PTPRT: variants seen among roughly 807,000 people sequenced by gnomAD.
PTPRT encodes the protein receptor-type tyrosine-protein phosphatase T.
A neutral mutation model predicts 176.8 loss-of-function variants in PTPRT; 56 were observed. The observed-to-expected ratio is 0.32, with a 90% CI of 0.26 to 0.40. The LOEUF is 0.40. Among genes scored for constraint, PTPRT ranks in the 10% least tolerant of loss-of-function variants. The pLI is 1.00. For missense variants in PTPRT, 1,540 were observed against 1,908.2 expected (o/e 0.81, Z 3.60); for synonymous variants, 783 against 739.0 (o/e 1.06, Z -0.96).
intron 7 of PTPRT, among the ~76,000 whole-genome samples, chr20:42,548,180 G>A (rs1056435388): frequency 2.6e-5 from 4 of 151,950 alleles, no homozygotes; most frequent in Admixed American, 2.6e-4. Context: ...ATGCAATCTT[G>A]TAAAAATTCT....
intron 7 of PTPRT, among the ~76,000 whole-genome samples, chr20:42,676,952 C>T (rs1237850290): frequency 6.6e-6 from 1 of 152,020 alleles, no homozygotes; most frequent in Non-Finnish European, 1.5e-5. Context: ...TAGACACAAT[C>T]TCAGCCAGCA....
the PTPRT span, among the ~76,000 whole-genome samples, chr20:42,060,169 G>C: frequency 2.0e-5 from 3 of 152,140 alleles, no homozygotes; most frequent in Admixed American, 6.5e-5. Flanking sequence ...AATTGTCCAA[G>C]TCATACAACT....
At chr20:42,698,820 A>C (rs978766548) in intron 6 of PTPRT, among the ~76,000 whole-genome samples, 1 of 152,024 alleles carries the variant, frequency 6.6e-6, no homozygotes, top group African/African-American at 2.4e-5. Context: ...TGTGTGTCTA[A>C]CTCTAGCATC....
chr20:43,150,347 C>T (rs2014310428), intron 1 of PTPRT, among the ~76,000 whole-genome samples: 1 of 152,240 alleles, frequency 6.6e-6, no homozygotes, highest in African/African-American at 2.4e-5. Context: ...ATAACGGTCT[C>T]CATCCCCACC....
chr20:42,330,669 C>T (rs559471778), intron 11 of PTPRT, among the ~76,000 whole-genome samples: 46 of 152,056 alleles, frequency 3.0e-4, no homozygotes, highest in African/African-American at 9.4e-4. Context: ...GCTATGATCA[C>T]GCCACTGCTC....
chr20:42,076,630 G>A lies in PTPRT; in HGVS notation c.*4249C>T, dbSNP rs1016770725. 4 of 195,156 alleles carry A rather than the reference G, an allele frequency of 2.0e-5. No homozygotes were observed. In the South Asian group the frequency reaches 7.7e-4, roughly 38 times the overall value. The allele number at this position is 195,156 out of a possible 1,614,324, so 12.1% of individuals were successfully genotyped here. ...ATAACTGGCTCTGGGAGGCAGCAGG[G>A]TCACTGCTCCTAGAGTCAATTCTAG... On this transcript the variant is annotated 3_prime_UTR_variant, in exon 31 of 31. Transcript: ENST00000373187.
intron 1 of PTPRT, among the ~76,000 whole-genome samples, chr20:42,890,038 A>G (rs1401203266): frequency 6.6e-6 from 1 of 152,202 alleles, no homozygotes; most frequent in East Asian, 1.9e-4. Flanking sequence ...ATTTCTCTGC[A>G]GGAATACTCA....
rs2072661043 is a variant in PTPRT at position 42,545,642 on chromosome 20, C to A, written c.1154-73080G>T. Among the ~76,000 whole-genome samples, 7 of 152,176 alleles carry A rather than the reference C, an allele frequency of 4.6e-5. No individual in the cohort carries two copies. The South Asian group carries it at 1.4e-3, about 32-fold the overall frequency. On this transcript the variant is annotated intron_variant, in intron 7 of 30. Transcript: ENST00000373187. ...ACATCACATGTTTAATAAAAGAGAA[C>A]CAATCTTGATTGAAAATCTTTTGAG... is the stretch of plus-strand genomic sequence containing the variant.
intron 11 of PTPRT, among the ~76,000 whole-genome samples, chr20:42,343,272 T>C (rs1001143863): frequency 6.6e-6 from 1 of 152,202 alleles, no homozygotes; most frequent in African/African-American, 2.4e-5. Context: ...TGAAATGTCC[T>C]CATAGACTCT....
chr20:42,270,264 G>A (rs1201892288), intron 13 of PTPRT: 2 of 757,930 alleles, frequency 2.6e-6, no homozygotes, highest in Non-Finnish European at 2.2e-6. Flanking sequence ...GGGTTGATGG[G>A]TGAATGGGTG....
At chr20:42,258,073 G>T (rs1483378492) in intron 13 of PTPRT, among the ~76,000 whole-genome samples, 2 of 152,126 alleles carry the variant, frequency 1.3e-5, no homozygotes, top group African/African-American at 4.8e-5. Flanking sequence ...AAATGTGTTT[G>T]TCTTTTCTCA....
intron 2 of PTPRT, among the ~76,000 whole-genome samples, chr20:42,871,471 G>A (rs1183131880): frequency 6.6e-6 from 1 of 152,078 alleles, no homozygotes; most frequent in Non-Finnish European, 1.5e-5. Context: ...AAACACATTA[G>A]TTTTAAGTTA....
At chr20:43,036,434 G>A (rs1986382357) in intron 1 of PTPRT, among the ~76,000 whole-genome samples, 2 of 152,122 alleles carry the variant, frequency 1.3e-5, no homozygotes, top group South Asian at 2.1e-4. Context: ...GGAGAAAAAT[G>A]CAACCTGGTC....
At chr20:42,871,439 T>C (rs551313216) in intron 2 of PTPRT, among the ~76,000 whole-genome samples, 1 of 152,340 alleles carries the variant, frequency 6.6e-6, no homozygotes, top group African/African-American at 2.4e-5. Flanking sequence ...CCACAGGTTG[T>C]CTTTTAATTC....
chr20:43,139,274 G>A (rs929065479), intron 1 of PTPRT, among the ~76,000 whole-genome samples: 2 of 152,108 alleles, frequency 1.3e-5, no homozygotes, highest in Non-Finnish European at 2.9e-5. Context: ...GTTAAATCTT[G>A]ATTTTTTTCT....
intron 27 of PTPRT, among the ~76,000 whole-genome samples, chr20:42,097,381 T>C (rs1985370920): frequency 6.6e-6 from 1 of 152,226 alleles, no homozygotes; most frequent in Non-Finnish European, 1.5e-5. Context: ...GCCTCTGCTG[T>C]TCCCTCTGCC....
intron 22 of PTPRT, 147 bp downstream of exon 22, chr20:42,115,052 C>A: frequency 1.6e-6 from 1 of 612,214 alleles, no homozygotes; most frequent in Non-Finnish European, 3.0e-6. Flanking sequence ...GGTAGCAGGA[C>A]CCATGTCTGC....
chr20:42,360,937 C>T (rs1158414726), intron 9 of PTPRT, among the ~76,000 whole-genome samples: 3 of 152,154 alleles, frequency 2.0e-5, no homozygotes, highest in Non-Finnish European at 4.4e-5. Flanking sequence ...ATAAGGTTTA[C>T]CAAATACATG....
chr20:42,199,542 G>A lies in PTPRT; in HGVS notation c.2343-154C>T. 5 of 851,606 alleles carry A rather than the reference G, an allele frequency of 5.9e-6. No individual in the cohort carries two copies. In the East Asian group the frequency reaches 1.0e-4, roughly 17 times the overall value. 52.8% of individuals were successfully genotyped at this position (851,606 alleles called of 1,614,324 possible). A position where few individuals can be genotyped will look rare whatever the true frequency, so the allele number is the denominator to read the frequency against. ...ATCAAGGCAGAACAAACCATGAATG[G>A]TTTCCATTTACTCAGAAATATGAGA... On this transcript the variant is annotated intron_variant, in intron 15 of 30. Coordinates refer to ENST00000373187, the MANE Select transcript of PTPRT (RefSeq NM_007050.6).
Sources: allele counts gnomAD v4.1 joint callset (sites outside exome capture counted in the v4.1 genomes callset), GRCh38; gene constraint gnomAD v4.1.1; transcripts MANE v1.5; gene names NCBI Gene and HGNC (gene_info 2026-07-23, HGNC 2026-07-21).